ARHGEF4: variants seen among roughly 807,000 people sequenced by gnomAD.
ARHGEF4 encodes APC-stimulated guanine nucleotide exchange factor 1.
In ARHGEF4, 119 loss-of-function variants were observed where a neutral mutation model predicts 162.0. The observed-to-expected ratio is 0.73, with a 90% CI of 0.63 to 0.86. The LOEUF is 0.86. ARHGEF4 is among the 40% of genes least tolerant of loss of function. The pLI, the probability that ARHGEF4 is intolerant of heterozygous loss-of-function variation, is 0.00. For missense variants in ARHGEF4, 2,488 were observed against 2,456.0 expected (o/e 1.01, Z -0.28); for synonymous variants, 1,014 against 979.9 (o/e 1.03, Z -0.65).
At chr2:130,992,477 T>C (rs537393377) in intron 4 of ARHGEF4, among the ~76,000 whole-genome samples, 7 of 150,956 alleles carry the variant, frequency 4.6e-5, no homozygotes, top group Admixed American at 4.6e-4. Flanking sequence ...ATGCGCTGCC[T>C]TAAGAGCTGT....
intron 4 of ARHGEF4, among the ~76,000 whole-genome samples, chr2:130,979,842 T>C (rs958445162): frequency 2.6e-5 from 4 of 151,948 alleles, no homozygotes; most frequent in African/African-American, 9.7e-5. Context: ...CACAAGTTTC[T>C]ATAAAATAGT....
At chr2:130,897,130 C>CAG (rs1680203258) in intron 1 of ARHGEF4, among the ~76,000 whole-genome samples, 1 of 152,198 alleles carries the variant, frequency 6.6e-6, no homozygotes, top group South Asian at 2.1e-4. Context: ...ATTCCCCTTG[C>CAG]AGCGCACTCC....
At chr2:130,979,743 A>AAC (rs1292424264) in intron 4 of ARHGEF4, among the ~76,000 whole-genome samples, 129 of 150,428 alleles carry the variant, frequency 8.6e-4, no homozygotes, top group African/African-American at 1.7e-3. Context: ...CTAAAAAAAA[A>AAC]AAAAAAAAAA....
At chr2:130,955,244 C>A (rs1684197442) in intron 4 of ARHGEF4, among the ~76,000 whole-genome samples, 1 of 151,990 alleles carries the variant, frequency 6.6e-6, no homozygotes, top group South Asian at 2.1e-4. Flanking sequence ...TAATTACTAC[C>A]TTGGACTTGA....
chr2:130,903,718 C>T (rs556840368), intron 1 of ARHGEF4, among the ~76,000 whole-genome samples: 7 of 152,288 alleles, frequency 4.6e-5, no homozygotes, highest in African/African-American at 1.4e-4. Context: ...TTATTATTCT[C>T]GTGATTGTGC....
chr2:130,903,164 G>C (rs1680596654), intron 1 of ARHGEF4, among the ~76,000 whole-genome samples: 2 of 146,882 alleles, frequency 1.4e-5, no homozygotes, highest in Non-Finnish European at 3.0e-5. Context: ...GAATTTTTAT[G>C]GTGCCTGTTT....
intron 2 of ARHGEF4, among the ~76,000 whole-genome samples, chr2:130,918,515 G>T (rs1681666915): frequency 6.6e-6 from 1 of 152,232 alleles, no homozygotes; most frequent in African/African-American, 2.4e-5. Flanking sequence ...GAGCCGGGGA[G>T]CGCAGGCCAC....
chr2:131,041,739 CGTG>C, intron 9 of ARHGEF4, 73 bp from the exon 10 acceptor site: 1 of 1,554,372 alleles, frequency 6.4e-7, no homozygotes, highest in Non-Finnish European at 8.7e-7. Context: ...CAGCTCCACA[CGTG>C]GGGGCTGCAG....
chr2:130,889,658 A>G (rs1181721176), intron 1 of ARHGEF4, among the ~76,000 whole-genome samples: 1 of 151,014 alleles, frequency 6.6e-6, no homozygotes. Flanking sequence ...TAAAAATACA[A>G]AAAATTAGCT....
intron 5 of ARHGEF4, among the ~76,000 whole-genome samples, chr2:131,031,290 A>G (rs1013294383): frequency 4.6e-5 from 7 of 152,228 alleles, no homozygotes; most frequent in African/African-American, 1.7e-4. Flanking sequence ...AACGAATGCA[A>G]ACCCTCTGGC....
In ARHGEF4 at chr2:130,988,870, G is replaced by GTA. The variant is rs1490702049; in HGVS notation, c.3986-39074_3986-39073insAT. On this transcript the variant is annotated intron_variant, in intron 4 of 13. Coordinates refer to ENST00000409359, the MANE Select transcript of ARHGEF4 (RefSeq NM_001367493.1). ...TATTTGTGTGTGTGTGTGTGTGTGT[G>GTA]TGTATATATATATATATATATATAT... is the stretch of plus-strand genomic sequence containing the variant. Among the ~76,000 whole-genome samples, 149 of 29,192 alleles carry GTA rather than the reference G, an allele frequency of 5.1e-3. 3 individuals are homozygous for GTA. Among genetic ancestry groups the GTA allele is most frequent in the African/African-American group, 7.7e-3 (141 of 18,386 alleles). The allele number at this position is 29,192 out of a possible 152,430, so 19.2% of individuals were successfully genotyped here.
chr2:130,906,211 C>T (rs2105029306), intron 1 of ARHGEF4, among the ~76,000 whole-genome samples: 1 of 152,290 alleles, frequency 6.6e-6, no homozygotes, highest in East Asian at 1.9e-4. Flanking sequence ...CAAGAAGAAC[C>T]TGGCTTCTTG....
At chr2:130,847,709 C>T (rs1681094925) in intron 1 of ARHGEF4, among the ~76,000 whole-genome samples, 1 of 152,234 alleles carries the variant, frequency 6.6e-6, no homozygotes, top group African/African-American at 2.4e-5. Context: ...GGTCCCCTTT[C>T]TCTCTGTGAG....
At chr2:130,908,374 G>A (rs1680964662) in intron 1 of ARHGEF4, among the ~76,000 whole-genome samples, 2 of 152,058 alleles carry the variant, frequency 1.3e-5, no homozygotes, top group African/African-American at 4.8e-5. Flanking sequence ...GATTTTTCTA[G>A]GCATAAGAAC....
chr2:130,854,841 C>A (rs1217021188), intron 1 of ARHGEF4, among the ~76,000 whole-genome samples: 2 of 138,728 alleles, frequency 1.4e-5, no homozygotes, highest in African/African-American at 5.2e-5. Context: ...CTGGAGGAGT[C>A]TGACTTTTAT....
chr2:131,043,461 C>G lies in ARHGEF4; in HGVS notation c.5035C>G (p.Leu1679Val). Residue 1679 changes from leucine (L) to valine (V), a missense_variant, in exon 11 of 14, where the codon CTC becomes GTC. By Grantham distance (32) the Leu-to-Val change is conservative. Around this residue, in one of 6 missense-constraint regions of ARHGEF4, gnomAD observed 415 missense variants for 512.4 expected, o/e 0.81. Coordinates refer to ENST00000409359, the MANE Select transcript of ARHGEF4 (RefSeq NM_001367493.1). ...SSIEDWEGED[L>V]LVRSSELIYS... is the part of the protein sequence containing the mutation. ...CTTGGGATCTTCCCAGGGAGAAGAT[C>G]TCTTGGTCAGGAGCTCAGAACTCAT... is the stretch of plus-strand genomic sequence containing the variant. 1 of 1,613,982 alleles carries G rather than the reference C, an allele frequency of 6.2e-7. No individual in the cohort carries two copies. The highest frequency in any genetic ancestry group is 8.5e-7 in the Non-Finnish European group (1 of 1,180,012).
intron 1 of ARHGEF4, among the ~76,000 whole-genome samples, chr2:130,837,212 C>T (rs1680255121): frequency 6.6e-6 from 1 of 152,092 alleles, no homozygotes; most frequent in Non-Finnish European, 1.5e-5. Context: ...AAGGACGGGG[C>T]TCCGTTGGGG....
Position 130,855,209 on chromosome 2 carries a change from G to C in ARHGEF4, c.39+18217G>C, listed in dbSNP as rs576733982. ...TTTTTACTTGAAACAAAAAGTTGGA[G>C]AACCCATGCCTTAAGGGTACTGCCA... On this transcript the variant is annotated intron_variant, in intron 1 of 13. Transcript: ENST00000409359. 1.6e-4 allele frequency among the ~76,000 whole-genome samples: 24 copies of C among 152,096 alleles called. 1 individual carries two copies. In the South Asian group the frequency reaches 3.1e-3, roughly 20 times the overall value.
intron 1 of ARHGEF4, among the ~76,000 whole-genome samples, chr2:130,871,647 C>T (rs1333163843): frequency 6.6e-6 from 1 of 151,620 alleles, no homozygotes; most frequent in Non-Finnish European, 1.5e-5. Context: ...AAAAATCTAA[C>T]TTTATAGCAT....
Sources: allele counts gnomAD v4.1 joint callset (sites outside exome capture counted in the v4.1 genomes callset), GRCh38; gene constraint gnomAD v4.1.1; regional missense constraint gnomAD v4.1.1; transcripts MANE v1.5; gene names NCBI Gene and HGNC (gene_info 2026-07-23, HGNC 2026-07-21).